Variants in GFRA1 observed in about 807,000 individuals in gnomAD.
GFRA1 encodes GDNF family receptor alpha-1.
Under a neutral mutation model 51.6 loss-of-function variants are expected in GFRA1, and 16 were observed. The ratio of observed to expected loss-of-function variants is 0.31; its 90% confidence interval spans 0.21 to 0.47. The LOEUF (loss-of-function observed/expected upper bound fraction) is 0.47, where lower values mean the gene tolerates loss of function less well. Among genes scored for constraint, GFRA1 ranks in the 20% least tolerant of loss-of-function variants. GFRA1 has a pLI of 1.00. For synonymous variants in GFRA1, 270 were observed against 241.3 expected (o/e 1.12, Z -1.10); for missense variants, 530 against 594.3 (o/e 0.89, Z 1.13).
At chr10:116,086,369 AG>A (rs1345313666) in intron 9 of GFRA1, among the ~76,000 whole-genome samples, 1 of 152,194 alleles carries the variant, frequency 6.6e-6, no homozygotes, top group Non-Finnish European at 1.5e-5. Flanking sequence ...ACATTCATAA[AG>A]CACCATTCTG....
chr10:116,136,483 C>G (rs1387983998), intron 5 of GFRA1, among the ~76,000 whole-genome samples: 4 of 152,200 alleles, frequency 2.6e-5, no homozygotes, highest in African/African-American at 9.7e-5. Flanking sequence ...CCAAAACCCC[C>G]CTCTTCCCCC....
intron 6 of GFRA1, among the ~76,000 whole-genome samples, chr10:116,098,671 G>A (rs1015481248): frequency 3.9e-5 from 6 of 152,138 alleles, no homozygotes; most frequent in African/African-American, 1.4e-4. Flanking sequence ...AAGACAAAAG[G>A]TCGCTCCCTC....
intron 4 of GFRA1, among the ~76,000 whole-genome samples, chr10:116,241,487 A>G (rs138151815): frequency 1.9e-3 from 288 of 152,304 alleles, no homozygotes; most frequent in African/African-American, 6.4e-3. Flanking sequence ...CCTTCCCAAC[A>G]TGAGCATCCT....
intron 5 of GFRA1, among the ~76,000 whole-genome samples, chr10:116,208,982 G>C (rs1273058186): frequency 6.6e-6 from 1 of 152,200 alleles, no homozygotes; most frequent in Non-Finnish European, 1.5e-5. Context: ...AGGGAATGTA[G>C]GTCAATTAAG....
intron 8 of GFRA1, among the ~76,000 whole-genome samples, chr10:116,093,497 G>A (rs951740527): frequency 1.3e-5 from 2 of 152,032 alleles, no homozygotes; most frequent in South Asian, 2.1e-4. Context: ...TGCATTACAC[G>A]GGGTGGCCCA....
intron 4 of GFRA1, among the ~76,000 whole-genome samples, chr10:116,219,012 T>TAA (rs913477050): frequency 6.9e-6 from 1 of 145,606 alleles, no homozygotes; most frequent in African/African-American, 2.5e-5. Context: ...AAGAAAAAAA[T>TAA]AAAAAAAAAA....
intron 4 of GFRA1, among the ~76,000 whole-genome samples, chr10:116,257,969 C>T (rs564285428): frequency 2.0e-5 from 3 of 152,268 alleles, no homozygotes; most frequent in African/African-American, 7.2e-5. Flanking sequence ...TTCAGCTCTA[C>T]TCACCAAACT....
At chr10:116,269,636 A>C (rs1458180699) in intron 3 of GFRA1, 50 bp from the exon 4 acceptor site, 2 of 1,157,798 alleles carry the variant, frequency 1.7e-6, no homozygotes, top group Non-Finnish European at 2.6e-6. Context: ...ATATATTTCA[A>C]GCAGGTTTTT....
Position 116,079,560 on chromosome 10 carries a change from C to G in GFRA1, c.1197+10181G>C, listed in dbSNP as rs531854740. 3.3e-5 allele frequency among the ~76,000 whole-genome samples: 5 copies of G among 152,210 alleles called. No individual in the cohort carries two copies. In the South Asian group the frequency reaches 1.0e-3, roughly 32 times the overall value. Reference sequence around the variant, plus strand: ...TGTCAAGCAGGTGCGCTTCTGCCCCCTGGAGACATTTGGCAGTGCTGAAAG... The same window carrying G: ...TGTCAAGCAGGTGCGCTTCTGCCCCGTGGAGACATTTGGCAGTGCTGAAAG... On this transcript the variant is annotated intron_variant, in intron 9 of 10. Coordinates refer to ENST00000355422, the MANE Select transcript of GFRA1 (RefSeq NM_005264.8).
intron 5 of GFRA1, among the ~76,000 whole-genome samples, chr10:116,163,014 T>C (rs1039208636): frequency 6.6e-6 from 1 of 152,188 alleles, no homozygotes; most frequent in Non-Finnish European, 1.5e-5. Flanking sequence ...TAATGTCACA[T>C]GCTGCTGCTG....
intron 4 of GFRA1, among the ~76,000 whole-genome samples, chr10:116,218,177 C>A (rs1001122755): frequency 6.6e-6 from 1 of 152,130 alleles, no homozygotes; most frequent in Admixed American, 6.5e-5. Flanking sequence ...AAGGCCTGAC[C>A]TTTGTTTCGG....
intron 5 of GFRA1, among the ~76,000 whole-genome samples, chr10:116,139,863 G>A (rs2134087861): frequency 6.6e-6 from 1 of 152,362 alleles, no homozygotes; most frequent in East Asian, 1.9e-4. Flanking sequence ...TCTATTGCAG[G>A]AGGTCCCATT....
At chr10:116,138,004 C>T (rs370695780) in intron 5 of GFRA1, among the ~76,000 whole-genome samples, 1 of 151,962 alleles carries the variant, frequency 6.6e-6, no homozygotes, top group Admixed American at 6.6e-5. Flanking sequence ...GGTTTCTCCA[C>T]GTTGGTCAGG....
chr10:116,204,223 A>G (rs1479932365), intron 5 of GFRA1, among the ~76,000 whole-genome samples: 1 of 152,380 alleles, frequency 6.6e-6, no homozygotes, highest in East Asian at 1.9e-4. Context: ...ACAAATAACC[A>G]GTGAGAGGAG....
chr10:116,240,134 T>C (rs1205480248), intron 4 of GFRA1, among the ~76,000 whole-genome samples: 1 of 152,134 alleles, frequency 6.6e-6, no homozygotes, highest in African/African-American at 2.4e-5. Flanking sequence ...CCAAGAAAAT[T>C]CAAGTGACTG....
rs557175351 is a variant in GFRA1 at position 116,058,041 on chromosome 10, T to TGTGTGTGTGTGTGAGAGAGA, written c.*6356_*6357insTCTCTCTCACACACACACAC. On this transcript the variant is annotated 3_prime_UTR_variant, in exon 11 of 11. Transcript: ENST00000355422. ...GTGTGTGTGTGTGTGTGTGTGTGTG[T>TGTGTGTGTGTGTGAGAGAGA]GACAGAGAGAACCACGCTTTATTGG... 3.7e-5 allele frequency: 4 copies of TGTGTGTGTGTGTGAGAGAGA among 108,444 alleles called. No homozygotes were observed. The highest frequency in any genetic ancestry group is 2.0e-4 in the Admixed American group (2 of 10,216). The allele number at this position is 108,444 out of a possible 1,614,324, so 6.7% of individuals were successfully genotyped here.
chr10:116,130,580 G>GA (rs1958065452), intron 5 of GFRA1, among the ~76,000 whole-genome samples: 1 of 152,110 alleles, frequency 6.6e-6, no homozygotes, highest in Non-Finnish European at 1.5e-5. Context: ...TGGAAAAGAA[G>GA]AGAGAACTCA....
chr10:116,273,635 C>T (rs1318189698), upstream of GFRA1, among the ~76,000 whole-genome samples: 1 of 95,078 alleles, frequency 1.1e-5, no homozygotes, highest in East Asian at 3.4e-4. Context: ...CGGGTGCTGC[C>T]AGACACACAC....
intron 9 of GFRA1, among the ~76,000 whole-genome samples, chr10:116,078,723 G>A (rs770157775): frequency 2.6e-5 from 4 of 152,116 alleles, no homozygotes; most frequent in South Asian, 4.1e-4. Flanking sequence ...AAATAACAGC[G>A]GGTGCTAGAA....
Sources: allele counts gnomAD v4.1 joint callset (sites outside exome capture counted in the v4.1 genomes callset), GRCh38; gene constraint gnomAD v4.1.1; transcripts MANE v1.5; gene names NCBI Gene and HGNC (gene_info 2026-07-23, HGNC 2026-07-21).